Variants in CCDC85A observed in about 807,000 individuals in gnomAD.
CCDC85A encodes coiled-coil domain-containing protein 85A.
Under a neutral mutation model 50.2 loss-of-function variants are expected in CCDC85A, and 38 were observed. The observed-to-expected ratio is 0.76, with a 90% CI of 0.58 to 0.99. The LOEUF is 0.99. Among genes scored for constraint, CCDC85A ranks in the 50% least tolerant of loss-of-function variants. The pLI is 0.00. For synonymous variants in CCDC85A, 366 were observed against 301.4 expected, an observed-to-expected ratio of 1.21 and a Z score of -2.22; for missense variants, 820 against 742.0, an observed-to-expected ratio of 1.11 and a Z score of -1.22.
In CCDC85A at chr2:56,271,658, C is replaced by T. The variant is rs1398997512; in HGVS notation, c.1241-71221C>T. Reference sequence around the variant, plus strand: ...CATCATTATATCCCAAAGGTTTGGCCCAATTAGGAGGTCTCCGTTGCTGAA... The same window carrying T: ...CATCATTATATCCCAAAGGTTTGGCTCAATTAGGAGGTCTCCGTTGCTGAA... On this transcript the variant is annotated intron_variant, in intron 2 of 5. Coordinates refer to ENST00000407595, the MANE Select transcript of CCDC85A (RefSeq NM_001080433.2). Among the ~76,000 whole-genome samples, 4 of 152,052 alleles carry T rather than the reference C, an allele frequency of 2.6e-5. 1 individual carries two copies. The highest frequency in any genetic ancestry group is 9.7e-5 in the African/African-American group (4 of 41,394).
At chr2:56,356,660 G>T (rs1471191633) in intron 3 of CCDC85A, among the ~76,000 whole-genome samples, 1 of 151,594 alleles carries the variant, frequency 6.6e-6, no homozygotes, top group African/African-American at 2.4e-5. Flanking sequence ...GGGATGCAGA[G>T]GTTGCAGTGA....
chr2:56,355,134 A>G (rs1675157227), intron 3 of CCDC85A, among the ~76,000 whole-genome samples: 1 of 152,192 alleles, frequency 6.6e-6, no homozygotes, highest in Non-Finnish European at 1.5e-5. Flanking sequence ...ACTGGCTGCC[A>G]GAGTCTGGCC....
At chr2:56,235,828 A>G (rs72803004) in intron 2 of CCDC85A, among the ~76,000 whole-genome samples, 3,023 of 152,280 alleles carry the variant, frequency 0.02, 52 homozygotes, top group South Asian at 0.047. Flanking sequence ...CTCATAAAAG[A>G]TCAAGAAGTG....
At chr2:56,332,997 T>G (rs933672640) in intron 2 of CCDC85A, among the ~76,000 whole-genome samples, 1 of 152,218 alleles carries the variant, frequency 6.6e-6, no homozygotes, top group African/African-American at 2.4e-5. Context: ...AATTTTATTG[T>G]GCCAAACACT....
In CCDC85A at chr2:56,184,566, C is replaced by A; in HGVS notation, c.-59C>A. ...GGCGGAGGCGGCCTCGCCGCGCCCGCGCCTTCGGGAGTCGCCTCGCCTCTT... is the reference window on the plus strand; with the variant it reads ...GGCGGAGGCGGCCTCGCCGCGCCCGAGCCTTCGGGAGTCGCCTCGCCTCTT... On this transcript the variant is annotated 5_prime_UTR_variant, in exon 1 of 6. Transcript: ENST00000407595. The A allele has an allele frequency of 7.3e-7, 1 of 1,361,112 alleles. No individual in the cohort carries two copies. The allele number at this position is 1,361,112 out of a possible 1,614,324, so 84.3% of individuals were successfully genotyped here.
chr2:56,228,467 A>G (rs193239296), intron 2 of CCDC85A, among the ~76,000 whole-genome samples: 1 of 152,144 alleles, frequency 6.6e-6, no homozygotes, highest in African/African-American at 2.4e-5. Flanking sequence ...TAGTATTAGT[A>G]TTTTCATGCA....
At chr2:56,279,803 T>C (rs1164261009) in intron 2 of CCDC85A, among the ~76,000 whole-genome samples, 1 of 152,224 alleles carries the variant, frequency 6.6e-6, no homozygotes, top group Non-Finnish European at 1.5e-5. Context: ...CAATATTCCA[T>C]TGGGTATATA....
intron 2 of CCDC85A, among the ~76,000 whole-genome samples, chr2:56,304,990 C>A (rs1342039323): frequency 2.7e-5 from 4 of 150,578 alleles, no homozygotes; most frequent in Middle Eastern, 3.3e-3. Flanking sequence ...TTAGTCCCAG[C>A]TATTCAGGAG....
At chr2:56,187,924 T>C (rs868696485) in intron 1 of CCDC85A, among the ~76,000 whole-genome samples, 1 of 152,200 alleles carries the variant, frequency 6.6e-6, no homozygotes, top group Admixed American at 6.5e-5. Flanking sequence ...TTTTCTTCAT[T>C]GCATTAATTT....
At chr2:56,222,767 C>T (rs1668380957) in intron 2 of CCDC85A, among the ~76,000 whole-genome samples, 1 of 152,064 alleles carries the variant, frequency 6.6e-6, no homozygotes, top group African/African-American at 2.4e-5. Context: ...ACCAATATTC[C>T]AGAATTTATA....
At chr2:56,327,938 C>A (rs1048618757) in intron 2 of CCDC85A, among the ~76,000 whole-genome samples, 20 of 149,848 alleles carry the variant, frequency 1.3e-4, no homozygotes, top group African/African-American at 4.4e-4. Context: ...GCTTTAAGAA[C>A]TTTTCATTAT....
At chr2:56,213,119 A>G (rs1278225936) in intron 2 of CCDC85A, among the ~76,000 whole-genome samples, 1 of 152,036 alleles carries the variant, frequency 6.6e-6, no homozygotes, top group Non-Finnish European at 1.5e-5. Flanking sequence ...ATATCCCAGA[A>G]TCAAAGAAAC....
intron 2 of CCDC85A, among the ~76,000 whole-genome samples, chr2:56,221,163 G>C (rs1449494167): frequency 6.6e-6 from 1 of 151,994 alleles, no homozygotes; most frequent in African/African-American, 2.4e-5. Flanking sequence ...TCTTAAGTGG[G>C]TTTGGGTTCA....
intron 2 of CCDC85A, among the ~76,000 whole-genome samples, chr2:56,309,253 C>T (rs1399535538): frequency 1.3e-5 from 2 of 152,066 alleles, no homozygotes; most frequent in Admixed American, 6.6e-5. Context: ...TGTGATGGTT[C>T]AAATTAGATT....
At chr2:56,200,026 G>T (rs558885402) in intron 2 of CCDC85A, among the ~76,000 whole-genome samples, 1 of 152,052 alleles carries the variant, frequency 6.6e-6, no homozygotes, top group Non-Finnish European at 1.5e-5. Context: ...ACACCACCAC[G>T]CCTAGCTAAT....
intron 2 of CCDC85A, among the ~76,000 whole-genome samples, chr2:56,293,110 G>A (rs1209379943): frequency 6.6e-6 from 1 of 152,174 alleles, no homozygotes; most frequent in Non-Finnish European, 1.5e-5. Flanking sequence ...CTGGCTGGCA[G>A]CTTTGATAGA....
At chr2:56,200,366 A>G (rs1223204976) in intron 2 of CCDC85A, among the ~76,000 whole-genome samples, 1 of 152,226 alleles carries the variant, frequency 6.6e-6, no homozygotes, top group East Asian at 1.9e-4. Flanking sequence ...TTTGGGACCT[A>G]TTAAGAATCG....
At chr2:56,379,562 A>G (rs1366719795) in intron 5 of CCDC85A, among the ~76,000 whole-genome samples, 1 of 152,232 alleles carries the variant, frequency 6.6e-6, no homozygotes, top group African/African-American at 2.4e-5. Context: ...AAAATCAAAT[A>G]GAATCATTCC....
chr2:56,354,634 T>A (rs6722480), intron 3 of CCDC85A, among the ~76,000 whole-genome samples: 8,424 of 152,272 alleles, frequency 0.055, 320 homozygotes, highest in Non-Finnish European at 0.087. Flanking sequence ...GTACATGATC[T>A]TTTAGGTTGA....
Sources: allele counts gnomAD v4.1 joint callset (sites outside exome capture counted in the v4.1 genomes callset), GRCh38; gene constraint gnomAD v4.1.1; transcripts MANE v1.5; gene names NCBI Gene and HGNC (gene_info 2026-07-23, HGNC 2026-07-21).